The following SLC38A6 variants were observed in gnomAD, a reference collection of about 807,000 sequenced individuals.
SLC38A6 encodes the protein N system amino acid transporter NAT-1.
Under a neutral mutation model 65.0 loss-of-function variants are expected in SLC38A6, and 73 were observed. The ratio of observed to expected loss-of-function variants is 1.12; its 90% CI spans 0.93 to 1.37. The LOEUF (loss-of-function observed/expected upper bound fraction) is 1.37. Ranked by LOEUF, SLC38A6 falls within the 40% of genes most tolerant of loss-of-function variation. The pLI is 0.00. For synonymous variants in SLC38A6, 183 were observed against 178.8 expected (o/e 1.02, Z -0.19); for missense variants, 561 against 531.1 (o/e 1.06, Z -0.55).
chr14:61,040,440 C>G (rs147563752), intron 8 of SLC38A6, among the ~76,000 whole-genome samples: 113 of 151,194 alleles, frequency 7.5e-4, no homozygotes, highest in African/African-American at 2.6e-3. Flanking sequence ...CCCAGGTTCA[C>G]AGCATTCTCT....
At chr14:61,048,241 T>C (rs2042283757) in intron 12 of SLC38A6, 1 of 418,258 alleles carries the variant, frequency 2.4e-6, no homozygotes, top group Admixed American at 3.0e-5. Flanking sequence ...TCCAATTCAT[T>C]TTACAGATGA....
At chr14:60,990,071 C>G (rs2037746598) in intron 3 of SLC38A6, among the ~76,000 whole-genome samples, 1 of 151,946 alleles carries the variant, frequency 6.6e-6, no homozygotes. Flanking sequence ...ACTCTGTCAC[C>G]CAGGCTGGAA....
intron 15 of SLC38A6, among the ~76,000 whole-genome samples, chr14:61,063,995 A>G (rs1200621902): frequency 1.3e-5 from 2 of 152,238 alleles, no homozygotes; most frequent in Non-Finnish European, 2.9e-5. Context: ...TTTGCTTTCC[A>G]CTAAGGACAT....
intron 3 of SLC38A6, among the ~76,000 whole-genome samples, chr14:61,013,995 A>G (rs2039792138): frequency 6.6e-6 from 1 of 152,148 alleles, no homozygotes; most frequent in African/African-American, 2.4e-5. Flanking sequence ...ACTTAGTTCC[A>G]TTCTCCCTAT....
chr14:61,003,251 ACC>A (rs1566630820), intron 3 of SLC38A6, among the ~76,000 whole-genome samples: 1 of 152,102 alleles, frequency 6.6e-6, no homozygotes, highest in Admixed American at 6.6e-5. Context: ...AAAGTTTGTG[ACC>A]ATTTGTAATT....
chr14:61,041,823 C>T (rs757135597), intron 8 of SLC38A6, among the ~76,000 whole-genome samples: 64 of 152,050 alleles, frequency 4.2e-4, no homozygotes, highest in Non-Finnish European at 6.3e-4. Flanking sequence ...TGGTTTGAGC[C>T]TGGGAGGTGG....
intron 11 of SLC38A6, 26 bp downstream of exon 11, chr14:61,045,451 A>T (rs1445816474): frequency 8.5e-6 from 13 of 1,526,796 alleles, no homozygotes; most frequent in Non-Finnish European, 1.2e-5. Flanking sequence ...GGAATATTTT[A>T]AATATATTGT....
intron 15 of SLC38A6, among the ~76,000 whole-genome samples, chr14:61,071,565 C>T (rs948159069): frequency 2.0e-5 from 3 of 151,700 alleles, no homozygotes; most frequent in African/African-American, 7.3e-5. Flanking sequence ...GGCCATAGTC[C>T]GAGCTACTTG....
At chr14:61,054,967 T>C (rs1437936728), downstream of SLC38A6, among the ~76,000 whole-genome samples, 1 of 152,160 alleles carries the variant, frequency 6.6e-6, no homozygotes, top group Non-Finnish European at 1.5e-5. Context: ...TTCCAGGTTT[T>C]ATCTATTCAG....
chr14:61,046,765 C>G (rs961834109), intron 12 of SLC38A6, among the ~76,000 whole-genome samples: 1 of 151,992 alleles, frequency 6.6e-6, no homozygotes, highest in Non-Finnish European at 1.5e-5. Flanking sequence ...AAACTGTCTG[C>G]TTTGTATGTT....
chr14:61,050,622 C>A lies in SLC38A6; in HGVS notation c.1036C>A (p.Leu346Ile). ...ATTTGCTGTGCTTTTGACAGTCCCT[C>A]TAATCCACTTCCCTGTAAGTACTCT... ...ILFAVLLTVP[L>I]IHFPARKAVT... The change falls in exon 13 of 16, where the codon CTA becomes ATA. Residue 346 changes from leucine (L) to isoleucine (I), a missense_variant. By Grantham distance (5) the Leu-to-Ile change is conservative. Coordinates refer to ENST00000267488, the MANE Select transcript of SLC38A6 (RefSeq NM_153811.3). 6.4e-7 allele frequency: 1 copy of A among 1,571,018 alleles called. No individual in the cohort carries two copies. The highest frequency in any genetic ancestry group is 8.7e-7 in the Non-Finnish European group (1 of 1,152,794).
intron 15 of SLC38A6, among the ~76,000 whole-genome samples, chr14:61,067,306 G>C (rs1732908799): frequency 6.6e-6 from 1 of 152,266 alleles, no homozygotes; most frequent in Middle Eastern, 3.4e-3. Context: ...ACTCGAGTAA[G>C]CCGTTAAGCA....
chr14:61,041,110 G>C (rs756972306), intron 8 of SLC38A6, among the ~76,000 whole-genome samples: 2 of 152,116 alleles, frequency 1.3e-5, no homozygotes, highest in Non-Finnish European at 2.9e-5. Flanking sequence ...GAGAAGGAAG[G>C]GAGGCCTTTT....
At chr14:61,071,064 T>C (rs1447334957) in intron 15 of SLC38A6, among the ~76,000 whole-genome samples, 1 of 152,200 alleles carries the variant, frequency 6.6e-6, no homozygotes. Flanking sequence ...TTGTCTATTT[T>C]TGATTTAGCA....
At chr14:61,007,074 CA>C (rs1157093680) in intron 3 of SLC38A6, among the ~76,000 whole-genome samples, 1 of 151,954 alleles carries the variant, frequency 6.6e-6, no homozygotes, top group African/African-American at 2.4e-5. Context: ...ATCCCAAGGA[CA>C]AAAAACCAAA....
Position 61,052,574 on chromosome 14 carries a change from A to T in SLC38A6, c.*145A>T. 1 of 1,195,810 alleles carries T rather than the reference A, an allele frequency of 8.4e-7. No individual in the cohort carries two copies. The highest frequency in any genetic ancestry group is 1.1e-6 in the Non-Finnish European group (1 of 915,020). 74.1% of individuals were successfully genotyped at this position (1,195,810 alleles called of 1,614,324 possible). A position where few individuals can be genotyped will look rare whatever the true frequency, so the allele number is the denominator to read the frequency against. The stretch of plus-strand genomic sequence containing the variant: ...GAACAAAATGGCAGTGGGTATGGGG[A>T]AGTAAGAGTGTGGCAGTTTTAATCA... On this transcript the variant is annotated 3_prime_UTR_variant, in exon 16 of 16. Transcript: ENST00000267488.
chr14:61,009,722 T>C (rs916503110), intron 3 of SLC38A6, among the ~76,000 whole-genome samples: 3 of 152,224 alleles, frequency 2.0e-5, no homozygotes, highest in Non-Finnish European at 2.9e-5. Context: ...CATCATTTTT[T>C]ATGGCTGCAT....
intron 3 of SLC38A6, among the ~76,000 whole-genome samples, chr14:61,008,896 A>G (rs1181993731): frequency 2.0e-5 from 3 of 152,302 alleles, no homozygotes; most frequent in African/African-American, 4.8e-5. Flanking sequence ...ACCATTGCCA[A>G]TGAAACATTT....
intron 3 of SLC38A6, among the ~76,000 whole-genome samples, chr14:61,000,408 T>C (rs1483369237): frequency 6.6e-6 from 1 of 152,218 alleles, no homozygotes; most frequent in Non-Finnish European, 1.5e-5. Flanking sequence ...GGCAGGTGGA[T>C]CACGAGGTCA....
Sources: gnomAD v4.1 joint callset for allele counts (sites outside exome capture counted in the v4.1 genomes callset) on GRCh38, gnomAD v4.1.1 for gene constraint, MANE v1.5 for transcripts, NCBI Gene and HGNC (gene_info 2026-07-23, HGNC 2026-07-21) for gene names.